Variants in RASAL1 observed in about 807,000 individuals in gnomAD.
RASAL1 encodes rasGAP-activating-like protein 1.
RASAL1 carries 72 observed loss-of-function variants against 96.6 expected under a neutral mutation model. The ratio of observed to expected loss-of-function variants is 0.75; its 90% CI spans 0.62 to 0.91. The LOEUF (loss-of-function observed/expected upper bound fraction) is 0.91. Among genes scored for constraint, RASAL1 ranks in the 40% least tolerant of loss-of-function variants. The probability of loss-of-function intolerance (pLI) is 0.00; values close to 1 mark genes in which losing one functional copy is unlikely to be tolerated. For missense variants in RASAL1, 1,016 were observed against 1,072.5 expected (o/e 0.95, Z 0.74); for synonymous variants, 405 against 430.4 (o/e 0.94, Z 0.73).
intron 1 of RASAL1, among the ~76,000 whole-genome samples, chr12:113,131,742 A>G (rs890781333): frequency 3.3e-5 from 5 of 152,046 alleles, no homozygotes; most frequent in African/African-American, 1.2e-4. Context: ...ATCCCATCAT[A>G]CAGGGCTTCT....
chr12:113,121,679 T>G (rs557760009), intron 4 of RASAL1, 41 bp from the exon 5 acceptor site: 3 of 1,601,562 alleles, frequency 1.9e-6, no homozygotes, highest in East Asian at 2.2e-5. Context: ...GCGCCTACCA[T>G]GTACTGGGCA....
rs1475904822 is a variant in RASAL1, at chr12:113,114,697, A to G, written c.1181+103T>C. On this transcript the variant is annotated intron_variant, in intron 12 of 20. Transcript: ENST00000548055. ...AGCCACCGAGCTCCTGAGCAGCTGT[A>G]GCCCCAGGGTGGGTGGCAGTCAGCA... 9.7e-6 allele frequency: 9 copies of G among 923,684 alleles called. No individual in the cohort carries two copies. In the African/African-American group the frequency reaches 1.3e-4, roughly 13 times the overall value. 57.2% of individuals were successfully genotyped at this position (923,684 alleles called of 1,614,324 possible).
Position 113,099,722 on chromosome 12 carries a change from T to C in RASAL1, c.*207A>G. Reference sequence around the variant, plus strand: ...AGTCTGAATCAAGCCAGAGGGCAAGTTTCACTCAGTGCAAGGCTGGCCCCT... The same window carrying C: ...AGTCTGAATCAAGCCAGAGGGCAAGCTTCACTCAGTGCAAGGCTGGCCCCT... On this transcript the variant is annotated 3_prime_UTR_variant, in exon 21 of 21. Transcript: ENST00000548055. 1.8e-6 allele frequency: 1 copy of C among 559,290 alleles called. No homozygotes were observed. Among genetic ancestry groups the C allele is most frequent in the African/African-American group, 1.9e-5 (1 of 52,750 alleles). 34.6% of individuals were successfully genotyped at this position (559,290 alleles called of 1,614,324 possible). A position where few individuals can be genotyped will look rare whatever the true frequency, so the allele number is the denominator to read the frequency against.
chr12:113,114,686 T>C, intron 12 of RASAL1, 114 bp downstream of exon 12: 1 of 839,054 alleles, frequency 1.2e-6, no homozygotes, highest in Middle Eastern at 2.3e-4. Flanking sequence ...ACCGAGCTCC[T>C]GAGCAGCTGT....
chr12:113,110,407 CA>C (rs889733260), intron 13 of RASAL1, among the ~76,000 whole-genome samples: 1 of 152,184 alleles, frequency 6.6e-6, no homozygotes, highest in African/African-American at 2.4e-5. Context: ...GGTCTTTCTG[CA>C]AAGTGAATCC....
chr12:113,125,097 T>TA (rs34945890), intron 4 of RASAL1, among the ~76,000 whole-genome samples: 6,331 of 141,650 alleles, frequency 0.045, 232 homozygotes, highest in African/African-American at 0.1. Context: ...ACTTGTCTCT[T>TA]AAAAAAAAAA....
intron 13 of RASAL1, among the ~76,000 whole-genome samples, chr12:113,111,421 C>A (rs994170193): frequency 6.6e-6 from 1 of 152,164 alleles, no homozygotes; most frequent in African/African-American, 2.4e-5. Context: ...GTGACTTAAG[C>A]TCTCTGGGCC....
intron 13 of RASAL1, 106 bp downstream of exon 13, chr12:113,111,980 T>C (rs1950878579): frequency 3.0e-6 from 3 of 1,000,416 alleles, no homozygotes. Flanking sequence ...CAGAATGCTC[T>C]AGTGCCGGCA....
At chr12:113,119,571 A>G in intron 5 of RASAL1, 128 bp from the exon 6 acceptor site, 1 of 883,170 alleles carries the variant, frequency 1.1e-6, no homozygotes, top group Non-Finnish European at 1.8e-6. Context: ...GTAGGGGTCC[A>G]GCTAGGGACA....
At position 113,103,178 on chromosome 12, in the gene RASAL1, T is replaced by C. The variant is rs183916678; in HGVS notation, c.2104+768A>G. On this transcript the variant is annotated intron_variant, in intron 18 of 20. Transcript: ENST00000548055. ...TGTTAATAACAATGTCATTATTTTA[T>C]ATATTATTTTATATATATTTTATAT... The C allele has an allele frequency of 1.6e-3, 240 of 151,466 alleles. 1 individual carries two copies. The highest frequency in any genetic ancestry group is 5.7e-3 in the African/African-American group (233 of 40,946). 9.4% of individuals were successfully genotyped at this position (151,466 alleles called of 1,614,324 possible).
At chr12:113,126,550 T>C (rs1038003485) in intron 4 of RASAL1, among the ~76,000 whole-genome samples, 23 of 152,054 alleles carry the variant, frequency 1.5e-4, no homozygotes, top group Non-Finnish European at 2.8e-4. Context: ...GGTGTGGTGG[T>C]GCACGCCTGT....
At chr12:113,117,839 A>T (rs1490791214) in intron 7 of RASAL1, among the ~76,000 whole-genome samples, 4 of 151,972 alleles carry the variant, frequency 2.6e-5, no homozygotes, top group African/African-American at 2.4e-5. Flanking sequence ...GGCTTTTTCC[A>T]CTTAGTGTAA....
chr12:113,131,968 C>CTTTTTTTTTT (rs34936583), intron 1 of RASAL1, among the ~76,000 whole-genome samples: 2 of 118,716 alleles, frequency 1.7e-5, no homozygotes, highest in African/African-American at 6.1e-5. Context: ...TCTTCTTCTT[C>CTTTTTTTTTT]TTTTTTTTTT....
In RASAL1 at chr12:113,100,611, G is replaced by C. The variant is rs772385623; in HGVS notation, c.2278+17C>G. ...ACTGCACCCAGCCTTTACCTTCTGA[G>C]GTACAGGAGCCCTTACCTGTGTCTG... On this transcript the variant is annotated intron_variant, in intron 20 of 20. Transcript: ENST00000548055. The C allele has an allele frequency of 6.2e-7, 1 of 1,601,574 alleles. No homozygotes were observed. The highest frequency in any genetic ancestry group is 8.6e-7 in the Non-Finnish European group (1 of 1,169,588).
chr12:113,104,389 C>A, intron 16 of RASAL1, 91 bp from the exon 17 acceptor site: 1 of 1,302,022 alleles, frequency 7.7e-7, no homozygotes, highest in South Asian at 1.4e-5. Flanking sequence ...CAGGTGGAGT[C>A]AGTTCCCAGC....
At chr12:113,131,242 G>T (rs950964571) in intron 1 of RASAL1, among the ~76,000 whole-genome samples, 1 of 147,190 alleles carries the variant, frequency 6.8e-6, no homozygotes, top group South Asian at 2.2e-4. Flanking sequence ...GGCCCAGAGC[G>T]TGTGTGGGGG....
rs144041447 is a variant in RASAL1 at position 113,105,697 on chromosome 12, G to A, written c.1830+17C>T. On this transcript the variant is annotated intron_variant, in intron 16 of 20. Transcript: ENST00000548055. The stretch of plus-strand genomic sequence containing the variant: ...GGCCACCCCTGGAAAGCCCTCCATA[G>A]TGGACTGGAACCCCACCTGCCACTC... 2.8e-4 allele frequency: 443 copies of A among 1,590,800 alleles called. 3 individuals carry two copies. In the African/African-American group the frequency reaches 5.3e-3, roughly 19 times the overall value.
intron 1 of RASAL1, among the ~76,000 whole-genome samples, chr12:113,133,189 T>C (rs1019190622): frequency 6.6e-6 from 1 of 152,194 alleles, no homozygotes; most frequent in Admixed American, 6.5e-5. Flanking sequence ...CTCTGACGCA[T>C]GAGGGCCTTA....
At position 113,107,217 on chromosome 12, in the gene RASAL1, C is replaced by A. The variant is rs751930130; in HGVS notation, c.1537G>T (p.Gly513Cys). The A allele has an allele frequency of 2.7e-5, 44 of 1,610,750 alleles. No homozygotes were observed. The highest frequency in any genetic ancestry group is 3.6e-5 in the Non-Finnish European group (43 of 1,178,204). The change falls in exon 15 of 21, where the codon GGC becomes TGC. Residue 513 changes from glycine to cysteine, a missense_variant. Coordinates refer to ENST00000548055, the MANE Select transcript of RASAL1 (RefSeq NM_001301202.2). ...TCCTTGCCTTGGCCCAGCTGCTGGCCCAGGTTTCCAATGCTCTGCACAGCC... is the reference window on the plus strand; with the variant it reads ...TCCTTGCCTTGGCCCAGCTGCTGGCACAGGTTTCCAATGCTCTGCACAGCC... Reference protein sequence around the residue: ...AKAVQSIGNLGQQLGQGKELW... With the variant: ...AKAVQSIGNLCQQLGQGKELW...
Sources: gnomAD v4.1 joint callset for allele counts (sites outside exome capture counted in the v4.1 genomes callset) on GRCh38, gnomAD v4.1.1 for gene constraint, MANE v1.5 for transcripts, NCBI Gene and HGNC (gene_info 2026-07-23, HGNC 2026-07-21) for gene names.